Variants in DDX49 observed in about 807,000 individuals in gnomAD.
DDX49 encodes probable ATP-dependent RNA helicase DDX49.
Under a neutral mutation model 56.3 loss-of-function variants are expected in DDX49, and 50 were observed. The ratio of observed to expected loss-of-function variants is 0.89; its 90% CI spans 0.71 to 1.12. The LOEUF is 1.12. DDX49 is among the 50% of genes most tolerant of loss of function. The pLI is 0.00. For synonymous variants in DDX49, 269 were observed against 270.6 expected, an observed-to-expected ratio of 0.99 and a Z score of 0.06; for missense variants, 614 against 650.5, an observed-to-expected ratio of 0.94 and a Z score of 0.61.
chr19:18,923,085 C>T (rs1361305599), intron 6 of DDX49, among the ~76,000 whole-genome samples: 2 of 152,202 alleles, frequency 1.3e-5, no homozygotes, highest in Non-Finnish European at 2.9e-5. Flanking sequence ...TGTGCGTCTG[C>T]ACAGACAGAG....
Position 18,920,589 on chromosome 19 carries a change from G to C in DDX49, c.125G>C (p.Cys42Ser), listed in dbSNP as rs1474930078. 3 of 1,602,730 alleles carry C rather than the reference G, an allele frequency of 1.9e-6. No homozygotes were observed. In the South Asian group the frequency reaches 3.3e-5, roughly 18 times the overall value. ...TTTGTCCCCAACCCAGGTCGAGACT[G>C]CTTGGGCTGTGCTAAGACAGGCAGT... ...CIPAILEGRD[C>S]LGCAKTGSGK... Residue 42 changes from cysteine to serine, a missense_variant, in exon 2 of 13, where the codon TGC becomes TCC. Transcript: ENST00000247003.
At chr19:18,921,306 G>C (rs531406584) in intron 2 of DDX49, among the ~76,000 whole-genome samples, 2 of 152,304 alleles carry the variant, frequency 1.3e-5, no homozygotes, top group South Asian at 4.1e-4. Flanking sequence ...GAGAGGCCAG[G>C]ACAGAGTTGG....
At position 18,920,570 on chromosome 19, in the gene DDX49, C is replaced by T; in HGVS notation, c.116-10C>T. 1 of 1,587,324 alleles carries T rather than the reference C, an allele frequency of 6.3e-7. No homozygotes were observed. The highest frequency in any genetic ancestry group is 8.6e-7 in the Non-Finnish European group (1 of 1,158,816). Reference sequence around the variant, plus strand: ...TGGAGGGTGTTGATGCTGCTTTGTCCCCAACCCAGGTCGAGACTGCTTGGG... The same window carrying T: ...TGGAGGGTGTTGATGCTGCTTTGTCTCCAACCCAGGTCGAGACTGCTTGGG... On this transcript the variant is annotated splice_polypyrimidine_tract_variant and intron_variant, in intron 1 of 12. Coordinates refer to ENST00000247003, the MANE Select transcript of DDX49 (RefSeq NM_019070.5).
At position 18,924,892 on chromosome 19, in the gene DDX49, A is replaced by G; in HGVS notation, c.940A>G (p.Ile314Val). The G allele has an allele frequency of 1.2e-6, 2 of 1,613,022 alleles. No individual in the cohort carries two copies. The highest frequency in any genetic ancestry group is 1.7e-6 in the Non-Finnish European group (2 of 1,179,994). Reference protein sequence around the residue: ...ATDVASRGLDIPTVQVVINHN... With the variant: ...ATDVASRGLDVPTVQVVINHN... ...CACCTCTGCCTCCAGGGGCCTGGAC[A>G]TCCCTACGGTACAGGTGGTCATCAA... is the stretch of plus-strand genomic sequence containing the variant. The change falls in exon 9 of 13, where the codon ATC becomes GTC. Residue 314 changes from isoleucine (I) to valine (V), a missense_variant. By Grantham distance (29) the Ile-to-Val change is conservative (BLOSUM62 3). Coordinates refer to ENST00000247003, the MANE Select transcript of DDX49 (RefSeq NM_019070.5).
chr19:18,924,653 A>G lies in DDX49; in HGVS notation c.883A>G (p.Lys295Glu). 1 of 1,614,228 alleles carries G rather than the reference A, an allele frequency of 6.2e-7. No individual in the cohort carries two copies. The highest frequency in any genetic ancestry group is 8.5e-7 in the Non-Finnish European group (1 of 1,180,046). Residue 295 changes from lysine to glutamate, a missense_variant, in exon 8 of 13, where the codon AAG becomes GAG. Coordinates refer to ENST00000247003, the MANE Select transcript of DDX49 (RefSeq NM_019070.5). ...ACGCTTTGCCGCCCTAGCCAAGTTC[A>G]AGTCCAGCATCTACCGGATCCTGAT... ...KERFAALAKF[K>E]SSIYRILIAT...
At chr19:18,927,597 T>C (rs921740656) in intron 10 of DDX49, 169 bp from the exon 11 acceptor site, 5 of 612,298 alleles carry the variant, frequency 8.2e-6, no homozygotes, top group Non-Finnish European at 1.5e-5. Context: ...CAGCGGTCCA[T>C]ACCTTCCTTA....
chr19:18,922,875 C>T, intron 6 of DDX49, 131 bp downstream of exon 6: 1 of 1,221,612 alleles, frequency 8.2e-7, no homozygotes, highest in Non-Finnish European at 1.1e-6. Context: ...ATGGGGGCTT[C>T]CCTCAAGGAG....
intron 9 of DDX49, among the ~76,000 whole-genome samples, chr19:18,925,359 G>C (rs1444193588): frequency 6.6e-6 from 1 of 152,056 alleles, no homozygotes; most frequent in South Asian, 2.1e-4. Context: ...TTCGAGACCA[G>C]CCTGGCCAAC....
intron 9 of DDX49, 103 bp from the exon 10 acceptor site, chr19:18,926,200 A>G: frequency 8.1e-7 from 1 of 1,230,484 alleles, no homozygotes; most frequent in Non-Finnish European, 1.1e-6. Context: ...GCCCTTGTTC[A>G]GCATCTCCAG....
intron 6 of DDX49, among the ~76,000 whole-genome samples, chr19:18,923,452 G>T (rs538885201): frequency 2.0e-5 from 3 of 152,254 alleles, no homozygotes; most frequent in Non-Finnish European, 4.4e-5. Context: ...AACCCGGTAG[G>T]TGGAGGTTAC....
chr19:18,925,212 T>C (rs4808875), intron 9 of DDX49: 542,013 of 542,086 alleles, frequency 1, 270,970 homozygotes, highest in Middle Eastern at 1. Flanking sequence ...GAGAATGCAC[T>C]ATTGCACCCC....
At chr19:18,919,880 C>G (rs2231993) in intron 1 of DDX49, 24 bp downstream of exon 1, 233,130 of 1,516,094 alleles carry the variant, frequency 0.15, 20,782 homozygotes, top group African/African-American at 0.4. Context: ...AGGGCCTTCC[C>G]CAAGAGGCCT....
intron 11 of DDX49, 37 bp from the exon 12 acceptor site, chr19:18,927,927 CG>C: frequency 6.2e-7 from 1 of 1,613,970 alleles, no homozygotes; most frequent in Non-Finnish European, 8.5e-7. Flanking sequence ...GTGGGGCCCC[CG>C]TGACCAGCAT....
rs746789708 is a variant in DDX49 at position 18,920,576 on chromosome 19, C to T, written c.116-4C>T. The stretch of plus-strand genomic sequence containing the variant: ...GTGTTGATGCTGCTTTGTCCCCAAC[C>T]CAGGTCGAGACTGCTTGGGCTGTGC... On this transcript the variant is annotated splice_region_variant and splice_polypyrimidine_tract_variant and intron_variant, in intron 1 of 12. Transcript: ENST00000247003. 12 of 1,592,290 alleles carry T rather than the reference C, an allele frequency of 7.5e-6. No individual in the cohort carries two copies. Among genetic ancestry groups the T allele is most frequent in the Non-Finnish European group, 1.0e-5 (12 of 1,162,664 alleles).
intron 10 of DDX49, among the ~76,000 whole-genome samples, chr19:18,927,133 C>A (rs562711917): frequency 1.4e-4 from 21 of 148,686 alleles, no homozygotes; most frequent in African/African-American, 5.2e-4. Context: ...CGGTGGCTCA[C>A]ACCTGTAATC....
At chr19:18,925,355 A>T (rs1276225693) in intron 9 of DDX49, among the ~76,000 whole-genome samples, 1 of 152,014 alleles carries the variant, frequency 6.6e-6, no homozygotes, top group Admixed American at 6.6e-5. Context: ...GGAGTTCGAG[A>T]CCAGCCTGGC....
At chr19:18,924,860 G>A (rs1275799799) in intron 8 of DDX49, 22 bp from the exon 9 acceptor site, 1 of 1,612,442 alleles carries the variant, frequency 6.2e-7, no homozygotes, top group Non-Finnish European at 8.5e-7. Flanking sequence ...CAGTGGAGCT[G>A]ACCAGCCACC....
At chr19:18,926,875 CCAA>C (rs1313104144) in intron 10 of DDX49, among the ~76,000 whole-genome samples, 9 of 145,402 alleles carry the variant, frequency 6.2e-5, no homozygotes, top group Admixed American at 1.4e-4. Context: ...GAGTTCAAGA[CCAA>C]CCTGGGCAAC....
intron 9 of DDX49, 38 bp downstream of exon 9, chr19:18,925,017 G>C (rs1241261601): frequency 1.3e-6 from 2 of 1,597,040 alleles, no homozygotes; most frequent in Non-Finnish European, 1.7e-6. Flanking sequence ...TTGGGCCTCT[G>C]TCCCTCCAGC....
Sources: allele counts gnomAD v4.1 joint callset (sites outside exome capture counted in the v4.1 genomes callset), GRCh38; gene constraint gnomAD v4.1.1; transcripts MANE v1.5; gene names NCBI Gene and HGNC (gene_info 2026-07-23, HGNC 2026-07-21).